Variants in DNAH9 observed in about 807,000 individuals in gnomAD.
DNAH9 encodes dynein axonemal heavy chain 9.
DNAH9 carries 345 observed loss-of-function variants against 471.6 expected under a neutral mutation model. The ratio of observed to expected loss-of-function variants is 0.73; its 90% confidence interval spans 0.67 to 0.80. DNAH9 has a LOEUF of 0.80. Among genes scored for constraint, DNAH9 ranks in the 30% least tolerant of loss-of-function variants. DNAH9 has a pLI of 0.00. For missense variants in DNAH9, 5,407 were observed against 5,609.2 expected (o/e 0.96, Z 1.15); for synonymous variants, 2,093 against 2,123.6 (o/e 0.99, Z 0.40).
In DNAH9 at chr17:11,936,367, C is replaced by T. The variant is rs571146029; in HGVS notation, c.12490-985C>T. ...ATTCAGAGCCAGGCGCGGTGGCTCC[C>T]GCCTGTAATCCCAGAACTTTGGAAA... On this transcript the variant is annotated intron_variant, in intron 65 of 68. Coordinates refer to ENST00000262442, the MANE Select transcript of DNAH9 (RefSeq NM_001372.4). 4.9e-3 allele frequency among the ~76,000 whole-genome samples: 743 copies of T among 152,268 alleles called. 1 individual carries two copies. The highest frequency in any genetic ancestry group is 8.3e-3 in the South Asian group (40 of 4,822).
chr17:11,605,993 T>C (rs1030121495), intron 1 of DNAH9, among the ~76,000 whole-genome samples: 3 of 127,240 alleles, frequency 2.4e-5, no homozygotes, highest in African/African-American at 7.8e-5. Flanking sequence ...TTAAATAAGA[T>C]AGAGTCCCTG....
At chr17:11,652,280 CT>C (rs11450398) in intron 13 of DNAH9, among the ~76,000 whole-genome samples, 12 of 79,134 alleles carry the variant, frequency 1.5e-4, no homozygotes, top group African/African-American at 4.7e-4. Flanking sequence ...TAAGGGTAGG[CT>C]TTTTTTTTTT....
intron 56 of DNAH9, 83 bp from the exon 57 acceptor site, chr17:11,886,742 T>C (rs1477401032): frequency 1.3e-6 from 2 of 1,509,452 alleles, no homozygotes; most frequent in African/African-American, 2.8e-5. Flanking sequence ...CAGACGCATG[T>C]CTACTCACAC....
intron 49 of DNAH9, among the ~76,000 whole-genome samples, chr17:11,837,567 G>A (rs555691741): frequency 6.6e-6 from 1 of 152,270 alleles, no homozygotes; most frequent in African/African-American, 2.4e-5. Flanking sequence ...TTGGACTATG[G>A]CAATAGCCCC....
rs1973072543 is a variant in DNAH9, at chr17:11,892,133, T to A, written c.11283+186T>A. Reference sequence around the variant, plus strand: ...GCATCTGCCCCCACCATTTCCCACTTATGGCAGACATACTTAATCCATCAT... The same window carrying A: ...GCATCTGCCCCCACCATTTCCCACTAATGGCAGACATACTTAATCCATCAT... On this transcript the variant is annotated intron_variant, in intron 58 of 68. Transcript: ENST00000262442. The surrounding 1 kb of genome is among the most constrained non-coding windows in gnomAD (Gnocchi z 4.3). Among the ~76,000 whole-genome samples, 1 of 152,184 alleles carries A rather than the reference T, an allele frequency of 6.6e-6. No homozygotes were observed. Among genetic ancestry groups the A allele is most frequent in the South Asian group, 2.1e-4 (1 of 4,824 alleles).
At chr17:11,792,157 C>G (rs956448863) in intron 41 of DNAH9, among the ~76,000 whole-genome samples, 2 of 152,038 alleles carry the variant, frequency 1.3e-5, no homozygotes, top group African/African-American at 4.8e-5. Flanking sequence ...GCCTGCAATC[C>G]CAGCTACTCA....
At chr17:11,877,948 G>A (rs1972566083) in intron 53 of DNAH9, among the ~76,000 whole-genome samples, 2 of 151,952 alleles carry the variant, frequency 1.3e-5, no homozygotes, top group Admixed American at 1.3e-4. Context: ...ATTGCCCAGT[G>A]GTCTTGAACT....
Position 11,629,436 on chromosome 17 carries a change from T to G in DNAH9, c.1370T>G (p.Leu457Arg). ...HVVEGLLKTA[L>R]DFHKLGKVEF... ...CCATAGGGTCTTCTGAAGACGGCCC[T>G]GGATTTCCACAAACTGGGAAAGGTG... Residue 457 changes from leucine (L) to arginine (R), a missense_variant, in exon 7 of 69, where the codon CTG becomes CGG. This residue lies in a region of DNAH9 where 767 missense variants were observed against 692.5 expected (regional missense o/e 1.11). Coordinates refer to ENST00000262442, the MANE Select transcript of DNAH9 (RefSeq NM_001372.4). The G allele has an allele frequency of 6.2e-7, 1 of 1,614,082 alleles. No homozygotes were observed. The highest frequency in any genetic ancestry group is 8.5e-7 in the Non-Finnish European group (1 of 1,179,940).
At position 11,611,668 on chromosome 17, in the gene DNAH9, C is replaced by T. The variant is rs745754063; in HGVS notation, c.792C>T (p.Tyr264=). ...ATTGCAGGTATGAAGATCTGAAATA[C>T]ATCTATAATCAACTGAGAACAATAA... The part of the protein sequence containing the change: ...FWKSRYEDLK[Y]IYNQLRTITV... The change falls in exon 4 of 69, where the codon TAC becomes TAT. Residue 264 remains tyrosine (Y), a synonymous_variant. Transcript: ENST00000262442. The T allele has an allele frequency of 1.9e-6, 3 of 1,614,006 alleles. No homozygotes were observed. Among genetic ancestry groups the T allele is most frequent in the Non-Finnish European group, 2.5e-6 (3 of 1,179,858 alleles).
intron 19 of DNAH9, among the ~76,000 whole-genome samples, chr17:11,687,345 A>G (rs1416641271): frequency 6.6e-6 from 1 of 152,222 alleles, no homozygotes; most frequent in Non-Finnish European, 1.5e-5. Flanking sequence ...AATAGTATGC[A>G]TAACTGTTAT....
intron 9 of DNAH9, among the ~76,000 whole-genome samples, 164 bp downstream of exon 9, chr17:11,636,948 G>A (rs2073177896): frequency 6.6e-6 from 1 of 152,168 alleles, no homozygotes; most frequent in South Asian, 2.1e-4. Context: ...GGGTGACTGG[G>A]GAGCTCTCTG....
At chr17:11,920,007 G>A (rs1252537443) in intron 61 of DNAH9, among the ~76,000 whole-genome samples, 1 of 151,238 alleles carries the variant, frequency 6.6e-6, no homozygotes, top group Non-Finnish European at 1.5e-5. Context: ...GGAATCGGCA[G>A]CAGAAATGAA....
chr17:11,669,838 AG>A (rs746524831), intron 17 of DNAH9, 44 bp downstream of exon 17: 7 of 1,502,662 alleles, frequency 4.7e-6, no homozygotes, highest in Non-Finnish European at 5.5e-6. Flanking sequence ...CTAGGCTGTG[AG>A]GAACACCATG....
At chr17:11,959,652 A>G (rs116092718) in intron 67 of DNAH9, among the ~76,000 whole-genome samples, 1,621 of 152,334 alleles carry the variant, frequency 0.011, 32 homozygotes, top group African/African-American at 0.037. Flanking sequence ...TCTACCAGAA[A>G]AAACTTGCTC....
rs149058679 is a variant in DNAH9 at position 11,838,154 on chromosome 17, G to A, written c.9507+3256G>A. On this transcript the variant is annotated intron_variant, in intron 49 of 68. Coordinates refer to ENST00000262442, the MANE Select transcript of DNAH9 (RefSeq NM_001372.4). ...GGGAGAGGGAAAGGAAGTCAGTAAC[G>A]GTAACTAAATATTCACATTCTACGG... 6.2e-3 allele frequency among the ~76,000 whole-genome samples: 950 copies of A among 152,222 alleles called. 8 individuals are homozygous for A. The highest frequency in any genetic ancestry group is 0.02 in the African/African-American group (847 of 41,536).
intron 36 of DNAH9, among the ~76,000 whole-genome samples, chr17:11,764,893 C>A (rs927500753): frequency 6.6e-6 from 1 of 152,170 alleles, no homozygotes; most frequent in South Asian, 2.1e-4. Flanking sequence ...CTCATCACAT[C>A]ATATGCATTA....
At chr17:11,801,737 T>C (rs1382453001) in intron 43 of DNAH9, among the ~76,000 whole-genome samples, 1 of 152,146 alleles carries the variant, frequency 6.6e-6, no homozygotes, top group East Asian at 1.9e-4. Context: ...CAGTGAGTAT[T>C]CTCTCTTCTC....
intron 62 of DNAH9, chr17:11,925,432 TC>T: frequency 3.5e-6 from 1 of 287,722 alleles, no homozygotes; most frequent in Non-Finnish European, 6.9e-6. Flanking sequence ...GATCTGCCCC[TC>T]CCAGGGCCTC....
intron 62 of DNAH9, among the ~76,000 whole-genome samples, chr17:11,927,508 AG>A (rs1454826143): frequency 6.6e-6 from 1 of 152,250 alleles, no homozygotes; most frequent in East Asian, 1.9e-4. Context: ...TTTATTAAAT[AG>A]GGAATCCTTT....
Sources: allele counts gnomAD v4.1 joint callset (sites outside exome capture counted in the v4.1 genomes callset), GRCh38; gene constraint gnomAD v4.1.1; regional missense constraint gnomAD v4.1.1; non-coding constraint Gnocchi (gnomAD v3.1); transcripts MANE v1.5; gene names NCBI Gene and HGNC (gene_info 2026-07-23, HGNC 2026-07-21).